Variants in ARHGAP39 observed in about 807,000 individuals in gnomAD.
ARHGAP39 encodes rho GTPase-activating protein 39.
In ARHGAP39, 44 loss-of-function variants were observed where a neutral mutation model predicts 106.9. The observed-to-expected ratio is 0.41, with a 90% confidence interval of 0.32 to 0.53. The LOEUF is 0.53. Among genes scored for constraint, ARHGAP39 ranks in the 20% least tolerant of loss-of-function variants. The pLI, the probability that ARHGAP39 is intolerant of heterozygous loss-of-function variation, is 0.21. For missense variants in ARHGAP39, 1,496 were observed against 1,577.3 expected, an observed-to-expected ratio of 0.95 and a Z score of 0.87; for synonymous variants, 768 against 693.2, an observed-to-expected ratio of 1.11 and a Z score of -1.69.
intron 1 of ARHGAP39, among the ~76,000 whole-genome samples, chr8:144,628,939 C>A (rs936369875): frequency 2.0e-5 from 3 of 152,188 alleles, no homozygotes; most frequent in African/African-American, 7.2e-5. Flanking sequence ...ATCACTTTTG[C>A]GCCCGGGAGG....
chr8:144,693,368 A>C, the ARHGAP39 span, among the ~76,000 whole-genome samples: 75 of 118,318 alleles, frequency 6.3e-4, no homozygotes, highest in Non-Finnish European at 1.2e-4. Context: ...CGGCAGTAAA[A>C]TTCTTTTTTG....
chr8:144,544,915 C>T lies in ARHGAP39; in HGVS notation c.2521+334G>A, dbSNP rs118029891. ...CGGCAGGCACACAGGTGCCTGACTACGGCTGCTCCGCCCTCGGCGTCTTCG... is the reference window on the plus strand; with the variant it reads ...CGGCAGGCACACAGGTGCCTGACTATGGCTGCTCCGCCCTCGGCGTCTTCG... On this transcript the variant is annotated intron_variant, in intron 6 of 11. Coordinates refer to ENST00000377307, the MANE Select transcript of ARHGAP39 (RefSeq NM_025251.3). 2.0e-4 allele frequency among the ~76,000 whole-genome samples: 31 copies of T among 152,382 alleles called. No individual in the cohort carries two copies. The East Asian group carries it at 4.6e-3, about 23-fold the overall frequency.
At chr8:144,659,756 C>T (rs1007303147) in intron 1 of ARHGAP39, among the ~76,000 whole-genome samples, 2 of 152,182 alleles carry the variant, frequency 1.3e-5, no homozygotes, top group Non-Finnish European at 2.9e-5. Flanking sequence ...GCTAAGCTAA[C>T]AATTGCTTCT....
In ARHGAP39 at chr8:144,555,643, G is replaced by A; in HGVS notation, c.513C>T (p.Ser171=). 1 of 1,612,664 alleles carries A rather than the reference G, an allele frequency of 6.2e-7. No homozygotes were observed. Among genetic ancestry groups the A allele is most frequent in the East Asian group, 2.2e-5 (1 of 44,882 alleles). ...CAAGGAACACTCCTGGTGGTGAAGA[G>A]CTGAAACACAGTAAAATGAAAGAAA... ...AFGTVKEDSG[S]SSPPGVFLEK... The change falls in exon 4 of 12, where the codon AGC becomes AGT. Residue 171 remains serine (S), a splice_region_variant and synonymous_variant. Coordinates refer to ENST00000377307, the MANE Select transcript of ARHGAP39 (RefSeq NM_025251.3).
rs1224953730 is a variant in ARHGAP39 at position 144,547,448 on chromosome 8, C to T, written c.1638G>A (p.Ala546=). The change falls in exon 5 of 12, where the codon GCG becomes GCA. Residue 546 remains alanine, a synonymous_variant. Transcript: ENST00000377307. This position sits in a 1 kb window ranked among gnomAD's most constrained non-coding sequence, Gnocchi z 5.2. ...CCAGGAAGGGCTCGGCCGCGCCCCG[C>T]GCCCCTTCGGCCTCACCTTCCGCTC... is the stretch of plus-strand genomic sequence containing the variant. ...VKRAEGEAEG[A]RGAAEPFLAQ... is the part of the protein sequence containing the mutation. 5 of 1,569,876 alleles carry T rather than the reference C, an allele frequency of 3.2e-6. No individual in the cohort carries two copies. Among genetic ancestry groups the T allele is most frequent in the South Asian group, 1.1e-5 (1 of 87,666 alleles).
rs536248204 is a variant in ARHGAP39, at chr8:144,641,198, T to G, written c.-81-35503A>C. Among the ~76,000 whole-genome samples, 1 of 152,112 alleles carries G rather than the reference T, an allele frequency of 6.6e-6. No homozygotes were observed. The highest frequency in any genetic ancestry group is 1.5e-5 in the Non-Finnish European group (1 of 68,002). On this transcript the variant is annotated intron_variant, in intron 1 of 11. Transcript: ENST00000377307. This position sits in a 1 kb window ranked among gnomAD's most constrained non-coding sequence, Gnocchi z 5.2. ...GGGGAAAGACCACACCGGCTTCTGGTTCTCAGGTTCTAGTCTATGACATCT... is the reference window on the plus strand; with the variant it reads ...GGGGAAAGACCACACCGGCTTCTGGGTCTCAGGTTCTAGTCTATGACATCT...
intron 2 of ARHGAP39, among the ~76,000 whole-genome samples, chr8:144,588,193 C>G (rs1819254760): frequency 6.6e-6 from 1 of 152,194 alleles, no homozygotes; most frequent in African/African-American, 2.4e-5. Context: ...AGCTTAAGAC[C>G]TGGCAGGAGT....
intron 1 of ARHGAP39, among the ~76,000 whole-genome samples, chr8:144,667,321 C>T (rs185908235): frequency 2.3e-3 from 356 of 152,294 alleles, no homozygotes; most frequent in Non-Finnish European, 3.2e-3. Context: ...CTCCTTCCCC[C>T]ACAAGTGGTT....
At chr8:144,580,768 C>T (rs1215729862) in intron 3 of ARHGAP39, 78 bp downstream of exon 3, 2 of 181,278 alleles carry the variant, frequency 1.1e-5, no homozygotes, top group African/African-American at 2.8e-5. Context: ...GCCCCGCCCA[C>T]CACCCCCTAC....
intron 1 of ARHGAP39, among the ~76,000 whole-genome samples, chr8:144,642,389 A>T (rs1821334237): frequency 6.6e-6 from 1 of 152,156 alleles, no homozygotes; most frequent in African/African-American, 2.4e-5. Flanking sequence ...CAGGAGGCTG[A>T]GGCAGGAGAA....
At chr8:144,566,604 C>T (rs1274336139) in intron 3 of ARHGAP39, among the ~76,000 whole-genome samples, 2 of 152,026 alleles carry the variant, frequency 1.3e-5, no homozygotes, top group African/African-American at 4.8e-5. Flanking sequence ...GCCTGTAATC[C>T]CGGCACTTTG....
At chr8:144,563,898 A>G (rs1441134187) in intron 3 of ARHGAP39, among the ~76,000 whole-genome samples, 1 of 152,244 alleles carries the variant, frequency 6.6e-6, no homozygotes, top group Non-Finnish European at 1.5e-5. Context: ...TCAACCTAAC[A>G]TTACAAATCA....
rs868039463 is a variant in ARHGAP39, at chr8:144,556,649, A to C, written c.513-1006T>G. Among the ~76,000 whole-genome samples, 21 of 146,844 alleles carry C rather than the reference A, an allele frequency of 1.4e-4. No homozygotes were observed. In the South Asian group the frequency reaches 4.5e-3, roughly 32 times the overall value. Reference sequence around the variant, plus strand: ...TCAGAGGCAAAGCCTGAACCTTCATAGTATTCAGAGGCAAAGGCTGAACCT... The same window carrying C: ...TCAGAGGCAAAGCCTGAACCTTCATCGTATTCAGAGGCAAAGGCTGAACCT... On this transcript the variant is annotated intron_variant, in intron 3 of 11. Coordinates refer to ENST00000377307, the MANE Select transcript of ARHGAP39 (RefSeq NM_025251.3).
At chr8:144,624,329 C>T (rs1295439406) in intron 1 of ARHGAP39, among the ~76,000 whole-genome samples, 3 of 147,262 alleles carry the variant, frequency 2.0e-5, no homozygotes, top group South Asian at 2.2e-4. Flanking sequence ...AAATAATCAT[C>T]GTCTCAAGAA....
the ARHGAP39 span, among the ~76,000 whole-genome samples, chr8:144,692,808 G>T: frequency 5.4e-5 from 7 of 130,636 alleles, no homozygotes; most frequent in African/African-American, 2.1e-4. Context: ...CCCCCAGGCT[G>T]CAGTGCAATG....
At chr8:144,628,855 C>T (rs547245208) in intron 1 of ARHGAP39, among the ~76,000 whole-genome samples, 2 of 152,320 alleles carry the variant, frequency 1.3e-5, no homozygotes, top group South Asian at 2.1e-4. Flanking sequence ...TGTGCCTGGG[C>T]GGGACTCATG....
At chr8:144,619,753 T>G (rs1371735398) in intron 1 of ARHGAP39, among the ~76,000 whole-genome samples, 1 of 140,590 alleles carries the variant, frequency 7.1e-6, no homozygotes, top group Non-Finnish European at 1.6e-5. Context: ...TGTGTGTACC[T>G]CAGTGTGTGC....
At chr8:144,562,944 G>A (rs371050449) in intron 3 of ARHGAP39, among the ~76,000 whole-genome samples, 6 of 152,278 alleles carry the variant, frequency 3.9e-5, no homozygotes, top group East Asian at 3.8e-4. Context: ...TACTGGTACT[G>A]CTATGTTTGA....
chr8:144,555,311 A>G (rs1178849408), intron 4 of ARHGAP39, among the ~76,000 whole-genome samples: 3 of 152,232 alleles, frequency 2.0e-5, no homozygotes, highest in Non-Finnish European at 4.4e-5. Flanking sequence ...GGCTGAGGGA[A>G]GCACCGCAGG....
Sources: gnomAD v4.1 joint callset for allele counts (sites outside exome capture counted in the v4.1 genomes callset) on GRCh38, gnomAD v4.1.1 for gene constraint, Gnocchi (gnomAD v3.1) non-coding constraint, MANE v1.5 for transcripts, NCBI Gene and HGNC (gene_info 2026-07-23, HGNC 2026-07-21) for gene names.